Variants in BCL2L13 observed in about 807,000 individuals in gnomAD.
The protein encoded by BCL2L13 is bcl-2-like protein 13.
Under a neutral mutation model 25.8 loss-of-function variants are expected in BCL2L13, and 13 were observed. That is an observed-to-expected ratio of 0.50 (90% CI 0.33 to 0.80). The LOEUF (loss-of-function observed/expected upper bound fraction) is 0.80, where lower values mean the gene tolerates loss of function less well. Ranked by LOEUF, BCL2L13 falls within the 30% of genes least tolerant of loss-of-function variation. The pLI is 0.02. For missense variants in BCL2L13, 504 were observed against 574.9 expected (o/e 0.88, Z 1.26); for synonymous variants, 244 against 230.3 (o/e 1.06, Z -0.54).
intron 1 of BCL2L13, among the ~76,000 whole-genome samples, chr22:17,645,760 A>G (rs967342753): frequency 6.6e-6 from 1 of 151,544 alleles, no homozygotes; most frequent in South Asian, 2.1e-4. Context: ...CCAAATGAAT[A>G]CATAAACACA....
intron 2 of BCL2L13, among the ~76,000 whole-genome samples, chr22:17,674,529 C>A (rs1016579023): frequency 1.8e-4 from 28 of 151,404 alleles, no homozygotes; most frequent in African/African-American, 6.8e-4. Flanking sequence ...TCATTTGAAC[C>A]CAGGAGGCGG....
At chr22:17,664,390 G>A (rs1450197829) in intron 2 of BCL2L13, among the ~76,000 whole-genome samples, 1 of 146,306 alleles carries the variant, frequency 6.8e-6, no homozygotes, top group Non-Finnish European at 1.5e-5. Context: ...AGCTCCACCT[G>A]TGTGGCTTTG....
intron 1 of BCL2L13, among the ~76,000 whole-genome samples, chr22:17,644,772 A>T (rs922809653): frequency 2.0e-5 from 3 of 151,120 alleles, no homozygotes. Flanking sequence ...GTGATACTCT[A>T]AATTAGTATA....
At position 17,678,059 on chromosome 22, in the gene BCL2L13, T is replaced by C. The variant is rs151322778; in HGVS notation, c.122-5155T>C. On this transcript the variant is annotated intron_variant, in intron 2 of 6. Coordinates refer to ENST00000317582, the MANE Select transcript of BCL2L13 (RefSeq NM_015367.4). Reference sequence around the variant, plus strand: ...AGACCCTGTCTAGAAACATAAAATATATAGAAGTGCTGAAGTGCAGTGGTG... The same window carrying C: ...AGACCCTGTCTAGAAACATAAAATACATAGAAGTGCTGAAGTGCAGTGGTG... Among the ~76,000 whole-genome samples the C allele has an allele frequency of 7.9e-5, 12 of 152,032 alleles. 1 individual carries two copies. The South Asian group carries it at 1.9e-3, about 24-fold the overall frequency.
At chr22:17,692,164 A>G (rs1319881919) in intron 4 of BCL2L13, among the ~76,000 whole-genome samples, 4 of 152,186 alleles carry the variant, frequency 2.6e-5, no homozygotes, top group East Asian at 1.9e-4. Flanking sequence ...ACAGAAGAAC[A>G]ACAGCTGTTT....
rs368959872 is a variant in BCL2L13, at chr22:17,702,282, G to C, written c.496G>C (p.Glu166Gln). ...PLVLLRQMLLELTRRGQEPLS... is the reference protein window; with the variant it reads ...PLVLLRQMLLQLTRRGQEPLS... ...GGTTTTGCTACGACAAATGCTTTTG[G>C]AATTGACAAGACGTGGTCAAGAACC... The change falls in exon 6 of 7, where the codon GAA becomes CAA. Residue 166 changes from glutamate to glutamine, a missense_variant. By Grantham distance (29) the Glu-to-Gln change is conservative. Coordinates refer to ENST00000317582, the MANE Select transcript of BCL2L13 (RefSeq NM_015367.4). 4.3e-6 allele frequency: 7 copies of C among 1,610,074 alleles called. No individual in the cohort carries two copies. The African/African-American group carries it at 8.0e-5, about 18-fold the overall frequency.
At chr22:17,642,367 T>G (rs565856818) in intron 1 of BCL2L13, among the ~76,000 whole-genome samples, 52 of 151,548 alleles carry the variant, frequency 3.4e-4, no homozygotes, top group African/African-American at 1.3e-3. Context: ...CCATGTTGGC[T>G]AGGCTGGTCT....
upstream of BCL2L13, chr22:17,638,653 G>A: frequency 1.6e-6 from 2 of 1,229,442 alleles, no homozygotes; most frequent in South Asian, 4.1e-5. Context: ...GACCTCCGGG[G>A]CCTCCGTTGG....
chr22:17,696,159 A>T lies in BCL2L13; in HGVS notation c.405A>T (p.Ala135=). The change falls in exon 5 of 7, where the codon GCA becomes GCT. Residue 135 remains alanine, a synonymous_variant. Transcript: ENST00000317582. ...MLLSQPVTYQ[A]FRECTLETTV... ...TCTACAGGCCAGTGACATATCAGGC[A>T]TTTCGGGAATGTACACTGGAGACCA... The T allele has an allele frequency of 6.2e-7, 1 of 1,613,956 alleles. No individual in the cohort carries two copies. The highest frequency in any genetic ancestry group is 8.5e-7 in the Non-Finnish European group (1 of 1,179,852).
chr22:17,695,981 C>A, intron 4 of BCL2L13, 160 bp from the exon 5 acceptor site: 3 of 501,276 alleles, frequency 6.0e-6, no homozygotes, highest in East Asian at 3.3e-5. Context: ...GAAAAAAGTG[C>A]ATACTAGTGT....
At chr22:17,643,627 T>C (rs2058367482) in intron 1 of BCL2L13, among the ~76,000 whole-genome samples, 1 of 152,080 alleles carries the variant, frequency 6.6e-6, no homozygotes, top group Non-Finnish European at 1.5e-5. Context: ...TTTATTTTTA[T>C]TTTATTTATT....
chr22:17,631,694 ATATATATATATATTTTTTTTTTTTTTT>A (rs2058028633), intron 1 of BCL2L13, among the ~76,000 whole-genome samples: 6 of 38,552 alleles, frequency 1.6e-4, no homozygotes, highest in African/African-American at 3.7e-4. Flanking sequence ...ATATATATAT[ATATATATATATATTTTTTTTTTTTTTT>A]TTTTTTTTTT....
chr22:17,716,355 A>G (rs1418174484), intron 6 of BCL2L13, among the ~76,000 whole-genome samples: 1 of 152,208 alleles, frequency 6.6e-6, no homozygotes, highest in Non-Finnish European at 1.5e-5. Flanking sequence ...ACCTTTCATC[A>G]TATTTGCAAA....
At chr22:17,663,851 T>A (rs538115217) in intron 2 of BCL2L13, among the ~76,000 whole-genome samples, 1 of 143,318 alleles carries the variant, frequency 7.0e-6, no homozygotes, top group South Asian at 2.2e-4. Flanking sequence ...CACGCCTGGC[T>A]AATTTTTTTT....
chr22:17,652,691 A>G (rs2058725678), intron 1 of BCL2L13, among the ~76,000 whole-genome samples: 1 of 152,200 alleles, frequency 6.6e-6, no homozygotes, highest in Non-Finnish European at 1.5e-5. Context: ...CACCCGCCTC[A>G]GCCTCCAAAA....
At chr22:17,699,048 G>A (rs976122075) in intron 5 of BCL2L13, among the ~76,000 whole-genome samples, 1 of 152,030 alleles carries the variant, frequency 6.6e-6, no homozygotes. Context: ...TTCTGTGTCT[G>A]TATTTCCTTC....
chr22:17,716,079 C>T (rs2060938030), intron 6 of BCL2L13, among the ~76,000 whole-genome samples: 1 of 152,120 alleles, frequency 6.6e-6, no homozygotes, highest in Non-Finnish European at 1.5e-5. Flanking sequence ...GAGAAGATGA[C>T]TAATACATGT....
chr22:17,688,842 A>G, intron 3 of BCL2L13, 144 bp from the exon 4 acceptor site: 1 of 597,296 alleles, frequency 1.7e-6, no homozygotes. Context: ...ATCTTGGCTC[A>G]CCACAACCTC....
chr22:17,710,900 A>T (rs926696747), intron 6 of BCL2L13, among the ~76,000 whole-genome samples: 2 of 151,792 alleles, frequency 1.3e-5, no homozygotes, highest in Non-Finnish European at 1.5e-5. Flanking sequence ...ATAAAAAAAA[A>T]TAAATAAATA....
Sources: allele counts gnomAD v4.1 joint callset (sites outside exome capture counted in the v4.1 genomes callset), GRCh38; gene constraint gnomAD v4.1.1; transcripts MANE v1.5; gene names NCBI Gene and HGNC (gene_info 2026-07-23, HGNC 2026-07-21).